Variants in TBXAS1 observed in about 807,000 individuals in gnomAD.
TBXAS1 encodes thromboxane A synthase 1.
TBXAS1 carries 48 observed loss-of-function variants against 60.7 expected under a neutral mutation model. The ratio of observed to expected loss-of-function variants is 0.79; its 90% CI spans 0.63 to 1.01. The LOEUF is 1.01. TBXAS1 is among the 50% of genes least tolerant of loss of function. The pLI is 0.00. For missense variants in TBXAS1, 685 were observed against 686.3 expected (o/e 1.00, Z 0.02); for synonymous variants, 287 against 269.7 (o/e 1.06, Z -0.63).
At chr7:139,952,401 C>G (rs1265541451) in intron 5 of TBXAS1, 1 of 1,019,544 alleles carries the variant, frequency 9.8e-7, no homozygotes, top group East Asian at 2.7e-5. Context: ...ACTCAATATT[C>G]TAGTGTGAAA....
intron 1 of TBXAS1, among the ~76,000 whole-genome samples, chr7:139,867,500 A>G (rs1473641882): frequency 6.6e-6 from 1 of 152,222 alleles, no homozygotes; most frequent in Non-Finnish European, 1.5e-5. Flanking sequence ...ACAATGGGCT[A>G]AGCACCCATG....
Position 139,845,730 on chromosome 7 carries a change from T to C in TBXAS1, c.89+16251T>C, listed in dbSNP as rs745314027. 1.9e-4 allele frequency among the ~76,000 whole-genome samples: 29 copies of C among 152,170 alleles called. 1 individual carries two copies. The highest frequency in any genetic ancestry group is 2.9e-5 in the Non-Finnish European group (2 of 68,036). ...TTCTTTGCCGCTATGGGTATCATCA[T>C]AGAGAATTTCCATTAATTTCTGGCC... On this transcript the variant is annotated intron_variant, in intron 1 of 12. Transcript: ENST00000448866.
chr7:139,908,390 T>C (rs1805269139), intron 3 of TBXAS1, among the ~76,000 whole-genome samples: 1 of 152,146 alleles, frequency 6.6e-6, no homozygotes, highest in Non-Finnish European at 1.5e-5. Flanking sequence ...AGTGTATTTG[T>C]TCTCTTTTAT....
intron 9 of TBXAS1, among the ~76,000 whole-genome samples, chr7:139,971,952 CT>C (rs1371421031): frequency 2.0e-5 from 3 of 152,192 alleles, no homozygotes; most frequent in Admixed American, 6.5e-5. Flanking sequence ...CCACTGCCCC[CT>C]GGGAGCCCCT....
chr7:139,889,223 A>G (rs1040491865), intron 3 of TBXAS1, among the ~76,000 whole-genome samples: 8 of 151,922 alleles, frequency 5.3e-5, no homozygotes, highest in African/African-American at 9.7e-5. Context: ...TGTCCCAAGT[A>G]CTTTGGAGGC....
chr7:139,798,695 C>T lies in TBXAS1; in HGVS notation c.-80+11269C>T, dbSNP rs539417791. On this transcript the variant is annotated intron_variant, in intron 4 of 16. Coordinates refer to the TBXAS1 transcript ENST00000336425. ...ACCAACCATAATTCATGTTCCTGATCGTGACCCTGAAGCACAAGAACCCAA... is the reference window on the plus strand; with the variant it reads ...ACCAACCATAATTCATGTTCCTGATTGTGACCCTGAAGCACAAGAACCCAA... Among the ~76,000 whole-genome samples, 22 of 152,286 alleles carry T rather than the reference C, an allele frequency of 1.4e-4. No individual in the cohort carries two copies. The South Asian group carries it at 3.5e-3, about 24-fold the overall frequency.
intron 9 of TBXAS1, among the ~76,000 whole-genome samples, chr7:139,969,102 C>A (rs1183871702): frequency 6.6e-6 from 1 of 152,156 alleles, no homozygotes; most frequent in Non-Finnish European, 1.5e-5. Context: ...AAATTTATGA[C>A]CCATTTTCCT....
chr7:139,984,640 G>GAGGGAGAAAGAAAGAAAGAAAGAA (rs1554503306), intron 9 of TBXAS1, among the ~76,000 whole-genome samples: 1 of 99,786 alleles, frequency 1.0e-5, no homozygotes, highest in Admixed American at 1.0e-4. Flanking sequence ...GAGAGAGAGA[G>GAGGGAGAAAGAAAGAAAGAAAGAA]AGAAAGAAAG....
intron 10 of TBXAS1, 31 bp from the exon 11 acceptor site, chr7:140,015,692 G>A: frequency 1.2e-6 from 2 of 1,611,394 alleles, no homozygotes; most frequent in Non-Finnish European, 1.7e-6. Flanking sequence ...TCTCTTCTCT[G>A]TATCCACCCC....
intron 11 of TBXAS1, among the ~76,000 whole-genome samples, chr7:140,017,186 C>T (rs1042403614): frequency 6.6e-6 from 1 of 152,230 alleles, no homozygotes; most frequent in Non-Finnish European, 1.5e-5. Flanking sequence ...GCCCAAGAGA[C>T]CTGCAGGGCA....
Position 139,829,329 on chromosome 7 carries a change from G to C in TBXAS1, c.-62G>C. 6.6e-7 allele frequency: 1 copy of C among 1,515,432 alleles called. No individual in the cohort carries two copies. 93.9% of individuals were successfully genotyped at this position (1,515,432 alleles called of 1,614,324 possible). Reference sequence around the variant, plus strand: ...ACCTGCAGAGCACGGTTCCCATAAGGGCGGCGAGATCAGCCTCCTGTCTCA... The same window carrying C: ...ACCTGCAGAGCACGGTTCCCATAAGCGCGGCGAGATCAGCCTCCTGTCTCA... On this transcript the variant is annotated 5_prime_UTR_variant, in exon 1 of 13. Coordinates refer to ENST00000448866, the MANE Select transcript of TBXAS1 (RefSeq NM_001061.7).
chr7:139,942,996 T>A (rs1554494761), intron 5 of TBXAS1, among the ~76,000 whole-genome samples: 1 of 152,206 alleles, frequency 6.6e-6, no homozygotes, highest in Non-Finnish European at 1.5e-5. Flanking sequence ...GCAAAAGTCT[T>A]TTCAGAATTA....
At chr7:139,809,729 C>T (rs1050751025) in intron 4 of TBXAS1, among the ~76,000 whole-genome samples, 6 of 152,132 alleles carry the variant, frequency 3.9e-5, no homozygotes, top group Admixed American at 2.6e-4. Flanking sequence ...GTCCCAGCTC[C>T]GAGAGTGAGT....
At chr7:139,804,454 T>G (rs1363630585) in intron 4 of TBXAS1, among the ~76,000 whole-genome samples, 4 of 152,196 alleles carry the variant, frequency 2.6e-5, no homozygotes, top group Non-Finnish European at 5.9e-5. Context: ...CTTGGACTTT[T>G]GGGTTAATGC....
intron 7 of TBXAS1, among the ~76,000 whole-genome samples, chr7:139,957,409 G>A (rs970499816): frequency 6.6e-6 from 1 of 152,126 alleles, no homozygotes; most frequent in African/African-American, 2.4e-5. Context: ...TCGATTAATT[G>A]CACAGATGTT....
At chr7:139,956,960 C>T (rs1809914011) in intron 7 of TBXAS1, among the ~76,000 whole-genome samples, 1 of 152,222 alleles carries the variant, frequency 6.6e-6, no homozygotes, top group Admixed American at 6.5e-5. Flanking sequence ...CCATAGAGCC[C>T]GGTACAGGGT....
chr7:139,805,599 TTTTC>T (rs895312344), intron 4 of TBXAS1, among the ~76,000 whole-genome samples: 11 of 151,850 alleles, frequency 7.2e-5, no homozygotes, highest in African/African-American at 2.7e-4. Context: ...CATCCCTAGA[TTTTC>T]TTTCTCTCTC....
intron 1 of TBXAS1, among the ~76,000 whole-genome samples, chr7:139,869,590 T>C (rs1045382230): frequency 2.0e-5 from 3 of 152,124 alleles, no homozygotes; most frequent in Admixed American, 1.3e-4. Context: ...GGTTTCACCA[T>C]ATGGGCTAGG....
At chr7:139,895,540 G>A (rs894545521) in intron 3 of TBXAS1, among the ~76,000 whole-genome samples, 8 of 152,242 alleles carry the variant, frequency 5.3e-5, no homozygotes, top group African/African-American at 1.9e-4. Flanking sequence ...CAGGAAGGGG[G>A]TGACCCCAGT....
Sources: allele counts gnomAD v4.1 joint callset (sites outside exome capture counted in the v4.1 genomes callset), GRCh38; gene constraint gnomAD v4.1.1; transcripts MANE v1.5; gene names NCBI Gene and HGNC (gene_info 2026-07-23, HGNC 2026-07-21).